Variants in CEP128 observed in about 807,000 individuals in gnomAD.
CEP128 encodes the protein centrosomal protein 128.
Under a neutral mutation model 156.7 loss-of-function variants are expected in CEP128, and 132 were observed. The ratio of observed to expected loss-of-function variants is 0.84; its 90% CI spans 0.73 to 0.97. The LOEUF (loss-of-function observed/expected upper bound fraction) is 0.97. Ranked by LOEUF, CEP128 falls within the 50% of genes least tolerant of loss-of-function variation. The pLI is 0.00. For synonymous variants in CEP128, 469 were observed against 448.9 expected (o/e 1.04, Z -0.57); for missense variants, 1,252 against 1,281.9 (o/e 0.98, Z 0.36).
At chr14:80,841,725 A>C (rs1886357698) in intron 9 of CEP128, among the ~76,000 whole-genome samples, 1 of 152,014 alleles carries the variant, frequency 6.6e-6, no homozygotes. Context: ...TCACCTACTT[A>C]GTGACAGAGA....
chr14:80,842,698 G>C (rs1886401289), intron 9 of CEP128, among the ~76,000 whole-genome samples: 1 of 151,128 alleles, frequency 6.6e-6, no homozygotes, highest in African/African-American at 2.4e-5. Context: ...AAGCAACTTA[G>C]ACTTATATTA....
intron 13 of CEP128, among the ~76,000 whole-genome samples, chr14:80,800,146 A>T (rs1002555607): frequency 1.3e-5 from 2 of 152,180 alleles, no homozygotes; most frequent in African/African-American, 4.8e-5. Context: ...TGTCACCCCC[A>T]GTGGCCCAGC....
intron 19 of CEP128, among the ~76,000 whole-genome samples, chr14:80,590,214 T>G (rs1891990537): frequency 6.6e-6 from 1 of 152,098 alleles, no homozygotes; most frequent in Non-Finnish European, 1.5e-5. Context: ...ACCTGAAAAT[T>G]TCCAAATTTT....
At chr14:80,809,154 G>A (rs188641385) in intron 13 of CEP128, among the ~76,000 whole-genome samples, 55 of 152,166 alleles carry the variant, frequency 3.6e-4, no homozygotes, top group Admixed American at 6.5e-4. Context: ...AATGAGAAAC[G>A]TATGAATGAT....
At chr14:80,499,655 T>C (rs1887646842) in intron 24 of CEP128, among the ~76,000 whole-genome samples, 2 of 152,182 alleles carry the variant, frequency 1.3e-5, no homozygotes, top group South Asian at 4.1e-4. Context: ...TCCACAAAGA[T>C]GAAACATTTT....
intron 21 of CEP128, among the ~76,000 whole-genome samples, chr14:80,555,665 C>T (rs964302977): frequency 2.6e-5 from 4 of 152,036 alleles, no homozygotes; most frequent in South Asian, 2.1e-4. Flanking sequence ...CCTTAGACTT[C>T]GATAACATCT....
chr14:80,485,467 G>C (rs1218954143), intron 14 of CEP128, among the ~76,000 whole-genome samples: 1 of 152,060 alleles, frequency 6.6e-6, no homozygotes. Flanking sequence ...GCATGGTCAA[G>C]TCTAGTCATA....
intron 22 of CEP128, among the ~76,000 whole-genome samples, chr14:80,530,249 C>G (rs1387586870): frequency 6.6e-6 from 1 of 152,194 alleles, no homozygotes; most frequent in Non-Finnish European, 1.5e-5. Flanking sequence ...TTTTGCATAT[C>G]TCCTCTATGA....
Position 80,760,550 on chromosome 14 carries a change from T to C in CEP128, c.2553+887A>G, listed in dbSNP as rs930148913. ...ATCAATAGTAGAAACTGCTGAAAAA[T>C]AAAAAGCATTTCAGCATAATATCAC... is the stretch of plus-strand genomic sequence containing the variant. On this transcript the variant is annotated intron_variant, in intron 17 of 24. Coordinates refer to ENST00000555265, the MANE Select transcript of CEP128 (RefSeq NM_152446.5). 4.6e-5 allele frequency among the ~76,000 whole-genome samples: 7 copies of C among 152,152 alleles called. No homozygotes were observed. In the South Asian group the frequency reaches 1.4e-3, roughly 32 times the overall value.
intron 2 of CEP128, among the ~76,000 whole-genome samples, chr14:80,926,726 G>A (rs1219592449): frequency 1.3e-5 from 2 of 152,146 alleles, no homozygotes; most frequent in Non-Finnish European, 2.9e-5. Context: ...CCACCTCCAG[G>A]CTGGAAGCAA....
At chr14:80,856,074 CTTTAA>C (rs1323407557) in intron 9 of CEP128, among the ~76,000 whole-genome samples, 3 of 152,120 alleles carry the variant, frequency 2.0e-5, no homozygotes, top group African/African-American at 2.4e-5. Flanking sequence ...GTATCGATTA[CTTTAA>C]TTTTTCTTCA....
intron 19 of CEP128, among the ~76,000 whole-genome samples, chr14:80,646,411 G>A (rs1894634894): frequency 6.6e-6 from 1 of 151,660 alleles, no homozygotes; most frequent in South Asian, 2.1e-4. Flanking sequence ...ATGTATGCTA[G>A]GGAAATACAA....
chr14:80,602,818 C>T (rs900084579), intron 19 of CEP128, among the ~76,000 whole-genome samples: 1 of 151,830 alleles, frequency 6.6e-6, no homozygotes. Context: ...TGAAATTATA[C>T]AAAGTATGTC....
At chr14:80,631,538 C>G (rs990505843) in intron 19 of CEP128, among the ~76,000 whole-genome samples, 5 of 151,988 alleles carry the variant, frequency 3.3e-5, no homozygotes, top group African/African-American at 9.7e-5. Context: ...GATAACACTA[C>G]TACTGTTTGT....
intron 20 of CEP128, among the ~76,000 whole-genome samples, chr14:80,562,185 C>A (rs895413073): frequency 6.6e-6 from 1 of 152,004 alleles, no homozygotes; most frequent in African/African-American, 2.4e-5. Flanking sequence ...CTCAGCCTCC[C>A]AAAGTGCAAT....
At chr14:80,859,681 G>A (rs571739492) in intron 9 of CEP128, among the ~76,000 whole-genome samples, 2 of 152,196 alleles carry the variant, frequency 1.3e-5, no homozygotes, top group South Asian at 4.1e-4. Context: ...GTTCAAATCA[G>A]GACAAGAAAC....
intron 8 of CEP128, among the ~76,000 whole-genome samples, chr14:80,880,910 T>TAATAATAATAATAAG (rs1248604288): frequency 1.4e-5 from 2 of 142,292 alleles, no homozygotes; most frequent in African/African-American, 5.2e-5. Flanking sequence ...ATAATAATAA[T>TAATAATAATAATAAG]TTCAGTAAAG....
chr14:80,874,998 C>A (rs151314508), intron 8 of CEP128, among the ~76,000 whole-genome samples: 1 of 152,074 alleles, frequency 6.6e-6, no homozygotes, highest in Non-Finnish European at 1.5e-5. Context: ...GAAAGAAAAC[C>A]GGAGAGAATG....
intron 19 of CEP128, among the ~76,000 whole-genome samples, chr14:80,681,673 C>T (rs74946219): frequency 0.074 from 11,255 of 152,224 alleles, 577 homozygotes; most frequent in South Asian, 0.23. Flanking sequence ...TTCTCCCTGC[C>T]GCCTTATGAA....
Sources: allele counts gnomAD v4.1 joint callset (sites outside exome capture counted in the v4.1 genomes callset), GRCh38; gene constraint gnomAD v4.1.1; transcripts MANE v1.5; gene names NCBI Gene and HGNC (gene_info 2026-07-23, HGNC 2026-07-21).